SMC1B: variants seen among roughly 807,000 people sequenced by gnomAD.
SMC1B encodes structural maintenance of chromosomes protein 1B.
SMC1B carries 60 observed loss-of-function variants against 157.9 expected under a neutral mutation model. The ratio of observed to expected loss-of-function variants is 0.38; its 90% CI spans 0.31 to 0.47. The LOEUF is 0.47. Ranked by LOEUF, SMC1B falls within the 20% of genes least tolerant of loss-of-function variation. SMC1B has a pLI of 0.99. For synonymous variants in SMC1B, 445 were observed against 483.0 expected, an observed-to-expected ratio of 0.92 and a Z score of 1.03; for missense variants, 1,165 against 1,426.2, an observed-to-expected ratio of 0.82 and a Z score of 2.95.
At chr22:45,367,654 G>A (rs528902309) in intron 15 of SMC1B, among the ~76,000 whole-genome samples, 2 of 152,314 alleles carry the variant, frequency 1.3e-5, no homozygotes, top group African/African-American at 4.8e-5. Flanking sequence ...ATGGGCTGAG[G>A]CAGGGACAGG....
At chr22:45,394,875 A>G (rs1435449564) in intron 7 of SMC1B, 108 bp from the exon 8 acceptor site, 2 of 1,150,732 alleles carry the variant, frequency 1.7e-6, no homozygotes, top group Non-Finnish European at 2.2e-6. Flanking sequence ...ATTGAAAGAT[A>G]TCAAATATAA....
At chr22:45,373,008 C>T (rs910715915) in intron 12 of SMC1B, among the ~76,000 whole-genome samples, 6 of 152,096 alleles carry the variant, frequency 3.9e-5, no homozygotes, top group East Asian at 3.9e-4. Flanking sequence ...CCACCGCACC[C>T]GGCTGACTCC....
rs136593 is a variant in SMC1B at position 45,388,030 on chromosome 22, C to CAA, written c.1732-986_1732-985dup. On this transcript the variant is annotated intron_variant, in intron 10 of 24. Transcript: ENST00000357450. Reference sequence around the variant, plus strand: ...CTGGGTAACAAGGGTGAGCCTCTGTCAAAAAAAAAAACAGCAAAAAAAACC... The same window carrying CAA: ...CTGGGTAACAAGGGTGAGCCTCTGTCAAAAAAAAAAAAACAGCAAAAAAAACC... 6.6e-3 allele frequency among the ~76,000 whole-genome samples: 961 copies of CAA among 144,556 alleles called. 12 individuals are homozygous for CAA. The highest frequency in any genetic ancestry group is 0.011 in the Middle Eastern group (3 of 276). 94.8% of individuals were successfully genotyped at this position (144,556 alleles called of 152,430 possible).
At chr22:45,390,556 A>C (rs1174250531) in intron 9 of SMC1B, among the ~76,000 whole-genome samples, 1 of 151,724 alleles carries the variant, frequency 6.6e-6, no homozygotes, top group Non-Finnish European at 1.5e-5. Context: ...AAATACAAAA[A>C]TTACTGGGCG....
chr22:45,356,871 A>G (rs1486344024), intron 19 of SMC1B, among the ~76,000 whole-genome samples: 2 of 151,626 alleles, frequency 1.3e-5, no homozygotes, highest in African/African-American at 4.8e-5. Flanking sequence ...CTGGGATTAC[A>G]GGCACGTGCC....
intron 4 of SMC1B, among the ~76,000 whole-genome samples, chr22:45,403,756 G>C (rs2087224744): frequency 6.6e-6 from 1 of 152,170 alleles, no homozygotes; most frequent in African/African-American, 2.4e-5. Context: ...ACCATACCCA[G>C]CCCAACCCTG....
intron 19 of SMC1B, among the ~76,000 whole-genome samples, chr22:45,358,362 GAT>G (rs967924582): frequency 8.5e-5 from 13 of 152,328 alleles, no homozygotes; most frequent in African/African-American, 3.1e-4. Flanking sequence ...CTGGACTTGT[GAT>G]TGGTATCTGA....
At chr22:45,359,491 C>A (rs757404824) in intron 18 of SMC1B, among the ~76,000 whole-genome samples, 1 of 152,182 alleles carries the variant, frequency 6.6e-6, no homozygotes, top group African/African-American at 2.4e-5. Flanking sequence ...GAACCACCCC[C>A]GCACATGATG....
At chr22:45,394,838 T>C in intron 7 of SMC1B, 71 bp from the exon 8 acceptor site, 1 of 1,363,900 alleles carries the variant, frequency 7.3e-7, no homozygotes, top group Non-Finnish European at 9.6e-7. Flanking sequence ...GCCTAGAACT[T>C]ACTATAATAT....
intron 12 of SMC1B, among the ~76,000 whole-genome samples, chr22:45,376,784 C>T (rs1345864512): frequency 6.6e-6 from 1 of 151,908 alleles, no homozygotes; most frequent in Non-Finnish European, 1.5e-5. Context: ...TAATTTTCAG[C>T]TCCTTAGTAC....
chr22:45,379,936 T>G (rs2086920116), intron 12 of SMC1B, among the ~76,000 whole-genome samples: 1 of 151,960 alleles, frequency 6.6e-6, no homozygotes, highest in African/African-American at 2.4e-5. Flanking sequence ...TTTCACCATG[T>G]TGGCCAGGCA....
At position 45,397,832 on chromosome 22, in the gene SMC1B, CCT is replaced by C. The variant is rs145655659; in HGVS notation, c.1113+1261_1113+1262del. ...AGGTAGTGGATGACCTCTTGCATCC[CCT>C]CTCTGCTGAGAGCTGTTTCATAGCT... On this transcript the variant is annotated intron_variant, in intron 6 of 24. Coordinates refer to ENST00000357450, the MANE Select transcript of SMC1B (RefSeq NM_148674.5). Among the ~76,000 whole-genome samples the C allele has an allele frequency of 9.2e-3, 1,401 of 152,270 alleles. 26 individuals are homozygous for C. The highest frequency in any genetic ancestry group is 0.032 in the African/African-American group (1,326 of 41,542).
Position 45,386,891 on chromosome 22 carries a change from T to C in SMC1B, c.1887A>G (p.Ala629=). Residue 629 remains alanine (A), a synonymous_variant, in exon 11 of 25, where the codon GCA becomes GCG. Transcript: ENST00000357450. ...CETMEEARHI[A]LSGPERQKTV... ...CTTTCTGTCTTTCAGGTCCACTGAG[T>C]GCAATATGCCTTGCTTCTTCCATAG... 6.2e-7 allele frequency: 1 copy of C among 1,613,982 alleles called. No homozygotes were observed.
chr22:45,375,836 C>A (rs983383289), intron 12 of SMC1B, among the ~76,000 whole-genome samples: 1 of 152,000 alleles, frequency 6.6e-6, no homozygotes, highest in South Asian at 2.1e-4. Flanking sequence ...CTAATACTGA[C>A]ATTTAGATAT....
chr22:45,383,377 G>T (rs1020936923), intron 12 of SMC1B, 90 bp downstream of exon 12: 2 of 869,968 alleles, frequency 2.3e-6, no homozygotes, highest in African/African-American at 1.8e-5. Flanking sequence ...TTAAACTATA[G>T]AATTGGCACT....
chr22:45,389,005 G>GAAAAA (rs2087025692), intron 10 of SMC1B, among the ~76,000 whole-genome samples: 1 of 95,970 alleles, frequency 1.0e-5, no homozygotes, highest in African/African-American at 4.8e-5. Flanking sequence ...AAAAAAAAAA[G>GAAAAA]AAAAAGAAAA....
chr22:45,406,547 T>C lies in SMC1B; in HGVS notation c.528A>G (p.Gln176=). The part of the protein sequence containing the change: ...GEYEEKKRKL[Q]KAEEDAQFNF... ...TAAACTGTGCATCCTCTTCGGCTTTTTGTAACTTTCTTTTCTTTTCTTCAT... is the reference window on the plus strand; with the variant it reads ...TAAACTGTGCATCCTCTTCGGCTTTCTGTAACTTTCTTTTCTTTTCTTCAT... The change falls in exon 4 of 25, where the codon CAA becomes CAG. Residue 176 remains glutamine (Q), a synonymous_variant. Coordinates refer to ENST00000357450, the MANE Select transcript of SMC1B (RefSeq NM_148674.5). 1 of 1,613,392 alleles carries C rather than the reference T, an allele frequency of 6.2e-7. No individual in the cohort carries two copies. The highest frequency in any genetic ancestry group is 8.5e-7 in the Non-Finnish European group (1 of 1,179,920).
At chr22:45,407,951 C>A (rs1008048413) in intron 2 of SMC1B, among the ~76,000 whole-genome samples, 1 of 152,176 alleles carries the variant, frequency 6.6e-6, no homozygotes, top group African/African-American at 2.4e-5. Flanking sequence ...TATATACACA[C>A]ACACACAAAT....
intron 21 of SMC1B, among the ~76,000 whole-genome samples, chr22:45,353,511 C>T (rs1246759433): frequency 6.6e-6 from 1 of 152,048 alleles, no homozygotes; most frequent in African/African-American, 2.4e-5. Context: ...GAGTGGTTAT[C>T]ATTAAAAGGG....
Sources: gnomAD v4.1 joint callset for allele counts (sites outside exome capture counted in the v4.1 genomes callset) on GRCh38, gnomAD v4.1.1 for gene constraint, MANE v1.5 for transcripts, NCBI Gene and HGNC (gene_info 2026-07-23, HGNC 2026-07-21) for gene names.